PNPLA6: variants seen among roughly 807,000 people sequenced by gnomAD.
PNPLA6 encodes the protein patatin like domain 6, lysophospholipase.
A neutral mutation model predicts 153.7 loss-of-function variants in PNPLA6; 105 were observed. That is an observed-to-expected ratio of 0.68 (90% CI 0.58 to 0.80). The LOEUF (loss-of-function observed/expected upper bound fraction) is 0.80, where lower values mean the gene tolerates loss of function less well. Among genes scored for constraint, PNPLA6 ranks in the 30% least tolerant of loss-of-function variants. The pLI is 0.00. For missense variants in PNPLA6, 1,423 were observed against 1,919.3 expected (o/e 0.74, Z 4.83); for synonymous variants, 825 against 822.2 (o/e 1.00, Z -0.06).
chr19:7,554,438 C>A, intron 20 of PNPLA6, 117 bp from the exon 21 acceptor site: 2 of 1,333,510 alleles, frequency 1.5e-6, no homozygotes, highest in Non-Finnish European at 2.1e-6. Flanking sequence ...GGAGCACGGA[C>A]TTCCGTGGTG....
chr19:7,538,237 T>G lies in PNPLA6; in HGVS notation c.414-1681T>G, dbSNP rs147269565. On this transcript the variant is annotated intron_variant, in intron 3 of 31. Coordinates refer to ENST00000600737, the MANE Select transcript of PNPLA6 (RefSeq NM_001166114.2). ...CTTTGTTGTTGAGGCTAGAGTGCAG[T>G]GGCACAATCACAGCTCACTGCAGCC... Among the ~76,000 whole-genome samples, 333 of 152,270 alleles carry G rather than the reference T, an allele frequency of 2.2e-3. 1 individual carries two copies. Among genetic ancestry groups the G allele is most frequent in the African/African-American group, 7.6e-3 (315 of 41,554 alleles).
In PNPLA6 at chr19:7,542,887, G is replaced by C. The variant is rs372128647; in HGVS notation, c.1489G>C (p.Glu497Gln). 1.3e-4 allele frequency: 203 copies of C among 1,613,302 alleles called. No individual in the cohort carries two copies. Among genetic ancestry groups the C allele is most frequent in the Admixed American group, 1.8e-4 (11 of 60,006 alleles). ...YQGRQTSSIF[E>Q]AAKQELAKLM... ...GGGCCGCCAGACCAGCAGCATCTTC[G>C]AGGCAGCAAAGCAGGAGCTGGCCAA... Residue 497 changes from glutamate (E) to glutamine (Q), a missense_variant, in exon 12 of 32, where the codon GAG becomes CAG. Glu to Gln is a conservative substitution (Grantham distance 29). Coordinates refer to ENST00000600737, the MANE Select transcript of PNPLA6 (RefSeq NM_001166114.2).
At position 7,561,569 on chromosome 19, in the gene PNPLA6, C is replaced by T. The variant is rs1297827432; in HGVS notation, c.*7C>T. The T allele has an allele frequency of 2.5e-6, 4 of 1,583,698 alleles. No individual in the cohort carries two copies. The highest frequency in any genetic ancestry group is 1.8e-5 in the Admixed American group (1 of 56,986). The stretch of plus-strand genomic sequence containing the variant: ...CTCAGCCACAGATGCCTGAGGACCT[C>T]GACAGGGGTCACCCCCTCCCTCCCA... On this transcript the variant is annotated 3_prime_UTR_variant, in exon 32 of 32. Transcript: ENST00000600737.
chr19:7,555,728 AGCCGCACGAAGCAGCGG>A lies in PNPLA6; in HGVS notation c.3062_3078del (p.Arg1021ProfsTer31). The stretch of plus-strand genomic sequence containing the variant: ...GTTGTACGCGGAGGAGCGCAGCGCC[AGCCGCACGAAGCAGCGG>A]GCCCGGGAGTGGGCCAAGGTGTGTG... On this transcript the variant is annotated frameshift_variant, in exon 24 of 32. Coordinates refer to ENST00000600737, the MANE Select transcript of PNPLA6 (RefSeq NM_001166114.2). LOFTEE classifies it high-confidence loss of function. This position sits in a 1 kb window ranked among gnomAD's most constrained non-coding sequence, Gnocchi z 6.3. The A allele has an allele frequency of 2.5e-6, 4 of 1,613,878 alleles. No individual in the cohort carries two copies. The highest frequency in any genetic ancestry group is 3.4e-6 in the Non-Finnish European group (4 of 1,179,890).
chr19:7,557,944 ATG>A (rs2023956260), intron 27 of PNPLA6, among the ~76,000 whole-genome samples: 4 of 152,194 alleles, frequency 2.6e-5, no homozygotes, highest in East Asian at 1.9e-4. Flanking sequence ...CCAGCTATAT[ATG>A]CACATGCTTT....
chr19:7,545,740 C>T (rs1459041634), intron 13 of PNPLA6, among the ~76,000 whole-genome samples: 1 of 151,774 alleles, frequency 6.6e-6, no homozygotes, highest in African/African-American at 2.4e-5. Flanking sequence ...GGTGAAACCC[C>T]ATTTCTACTA....
Position 7,550,424 on chromosome 19 carries a change from G to GTACA in PNPLA6, c.1942_1945dup (p.Arg649IlefsTer20), listed in dbSNP as rs1371690397. ...CTGCAGTGGAGGCGGGACGCGCGCT[G>GTACA]TACAGGTGCAGCTCCCACCGCGCTG... On this transcript the variant is annotated frameshift_variant, in exon 15 of 32. Transcript: ENST00000600737. LOFTEE classifies it high-confidence loss of function. The GTACA allele has an allele frequency of 6.2e-7, 1 of 1,611,388 alleles. No individual in the cohort carries two copies. The highest frequency in any genetic ancestry group is 8.5e-7 in the Non-Finnish European group (1 of 1,179,860).
At chr19:7,554,460 G>A (rs2023783031) in intron 20 of PNPLA6, 95 bp from the exon 21 acceptor site, 2 of 1,452,546 alleles carry the variant, frequency 1.4e-6, no homozygotes, top group African/African-American at 1.4e-5. Flanking sequence ...GGGTTTGGGT[G>A]TCTAAGTTCC....
rs373050796 is a variant in PNPLA6 at position 7,542,600 on chromosome 19, A to G, written c.1292A>G (p.Tyr431Cys). ...GGPRSDFDMA[Y>C]ERGRISVSLQ... Reference sequence around the variant, plus strand: ...CCCCGCTCCGACTTCGACATGGCCTATGAGCGTGGCCGGATCTCCGTGTCC... The same window carrying G: ...CCCCGCTCCGACTTCGACATGGCCTGTGAGCGTGGCCGGATCTCCGTGTCC... Residue 431 changes from tyrosine to cysteine, a missense_variant, in exon 11 of 32, where the codon TAT (tyrosine) becomes TGT (cysteine). Physicochemically the swap from Tyr to Cys is radical, Grantham distance 194. Coordinates refer to ENST00000600737, the MANE Select transcript of PNPLA6 (RefSeq NM_001166114.2). The G allele has an allele frequency of 6.2e-7, 1 of 1,613,642 alleles. No individual in the cohort carries two copies. The highest frequency in any genetic ancestry group is 8.5e-7 in the Non-Finnish European group (1 of 1,179,970).
At chr19:7,539,706 G>C (rs2023033794) in intron 3 of PNPLA6, among the ~76,000 whole-genome samples, 1 of 147,736 alleles carries the variant, frequency 6.8e-6, no homozygotes, top group South Asian at 2.1e-4. Context: ...GCAGTGAGCC[G>C]AGATCGCACC....
rs765307463 is a variant in PNPLA6 at position 7,542,022 on chromosome 19, G to GC, written c.1211dup (p.Leu405SerfsTer28). 29 of 1,607,772 alleles carry GC rather than the reference G, an allele frequency of 1.8e-5. No individual in the cohort carries two copies. Among genetic ancestry groups the GC allele is most frequent in the Non-Finnish European group, 2.4e-5 (28 of 1,179,896 alleles). On this transcript the variant is annotated frameshift_variant, in exon 10 of 32. Transcript: ENST00000600737. LOFTEE classifies it high-confidence loss of function. ...GCCCACATCCCTGGAAACCCCCTCG[G>GC]CCCCTCTGCTGAGCCGCTGCGTCTC...
intron 16 of PNPLA6, 93 bp from the exon 17 acceptor site, chr19:7,550,901 G>A: frequency 2.0e-6 from 2 of 1,014,218 alleles, no homozygotes. Context: ...TTGCAGGGGA[G>A]CCCTAGATGG....
chr19:7,549,176 A>G (rs1336656208), intron 13 of PNPLA6, among the ~76,000 whole-genome samples: 3 of 145,734 alleles, frequency 2.1e-5, no homozygotes, highest in African/African-American at 7.6e-5. Flanking sequence ...TCTCTCCTTC[A>G]TGTTTCTTTT....
chr19:7,535,301 C>T (rs1182601060), upstream of PNPLA6: 3 of 602,086 alleles, frequency 5.0e-6, no homozygotes, highest in Non-Finnish European at 9.0e-6. This position sits in a 1 kb window ranked among gnomAD's most constrained non-coding sequence, Gnocchi z 5.0. Flanking sequence ...GCCGGGGACC[C>T]GCCTCATCTC....
At position 7,555,615 on chromosome 19, in the gene PNPLA6, C is replaced by A; in HGVS notation, c.2945C>A (p.Ser982Ter). ...GCCCATTTTCCCGGCAGGGGCTGCTCGCACATCGGAGTACTAAAGGCATTA... is the reference window on the plus strand; with the variant it reads ...GCCCATTTTCCCGGCAGGGGCTGCTAGCACATCGGAGTACTAAAGGCATTA... ...VLGGGGARGCSHIGVLKALEE... is the reference protein window; with the variant it reads ...VLGGGGARGC The change falls in exon 24 of 32, where the codon TCG (serine) becomes TAG (stop). Residue 982 changes from serine to a stop codon, truncating the protein, a stop_gained. Transcript: ENST00000600737. LOFTEE classifies it high-confidence loss of function. The surrounding 1 kb of genome is among the most constrained non-coding windows in gnomAD (Gnocchi z 6.3). 1.2e-6 allele frequency: 2 copies of A among 1,611,726 alleles called. No homozygotes were observed. The highest frequency in any genetic ancestry group is 1.3e-5 in the African/African-American group (1 of 74,934).
intron 27 of PNPLA6, among the ~76,000 whole-genome samples, chr19:7,558,138 C>A (rs145449429): frequency 6.6e-6 from 1 of 152,182 alleles, no homozygotes; most frequent in African/African-American, 2.4e-5. Context: ...CACCTCTGAC[C>A]GAGTTAAGTC....
rs762461650 is a variant in PNPLA6, at chr19:7,536,507, G to A, written c.374G>A (p.Arg125His). The change falls in exon 3 of 32, where the codon CGC (arginine) becomes CAC (histidine). Residue 125 changes from arginine (R) to histidine (H), a missense_variant. Physicochemically the swap from Arg to His is conservative, Grantham distance 29. Coordinates refer to ENST00000600737, the MANE Select transcript of PNPLA6 (RefSeq NM_001166114.2). ...DTSVSATSRP[R>H]MRKKLKMLNI... is the part of the protein sequence containing the mutation. ...TCTGTCTCCGCCACCTCCCGGCCAC[G>A]CATGAGGAAGAAACTGAAGATGCTC... 36 of 1,613,760 alleles carry A rather than the reference G, an allele frequency of 2.2e-5. No individual in the cohort carries two copies. Among genetic ancestry groups the A allele is most frequent in the Non-Finnish European group, 1.2e-5 (14 of 1,179,762 alleles).
chr19:7,554,798 C>A, intron 21 of PNPLA6, 75 bp downstream of exon 21: 1 of 1,588,110 alleles, frequency 6.3e-7, no homozygotes, highest in Non-Finnish European at 8.5e-7. Context: ...CACCAGGCCA[C>A]GTGCACCCTC....
At chr19:7,554,346 A>C (rs1374297928) in intron 20 of PNPLA6, 74 bp downstream of exon 20, 9 of 1,433,320 alleles carry the variant, frequency 6.3e-6, no homozygotes, top group Non-Finnish European at 5.9e-6. Flanking sequence ...ACCTGAGTTC[A>C]AGTTCTTGGC....
Sources: allele counts gnomAD v4.1 joint callset (sites outside exome capture counted in the v4.1 genomes callset), GRCh38; gene constraint gnomAD v4.1.1; non-coding constraint Gnocchi (gnomAD v3.1); transcripts MANE v1.5; gene names NCBI Gene and HGNC (gene_info 2026-07-23, HGNC 2026-07-21).